Variants in NSD2 observed in about 807,000 individuals in gnomAD.
NSD2 encodes histone-lysine N-methyltransferase NSD2.
Under a neutral mutation model 139.0 loss-of-function variants are expected in NSD2, and 12 were observed. That is an observed-to-expected ratio of 0.09 (90% CI 0.06 to 0.14). The LOEUF is 0.14. Among genes scored for constraint, NSD2 ranks in the 10% least tolerant of loss-of-function variants. The probability of loss-of-function intolerance (pLI) is 1.00; values close to 1 mark genes in which losing one functional copy is unlikely to be tolerated. For missense variants in NSD2, 1,155 were observed against 1,745.0 expected, an observed-to-expected ratio of 0.66 and a Z score of 6.02; for synonymous variants, 669 against 648.7, an observed-to-expected ratio of 1.03 and a Z score of -0.48.
intron 9 of NSD2, 33 bp downstream of exon 9, chr4:1,939,811 T>G (rs1433808050): frequency 5.6e-6 from 9 of 1,613,974 alleles, no homozygotes; most frequent in Non-Finnish European, 7.6e-6. Context: ...AACCATGGCA[T>G]TGGTATGAAG....
At chr4:1,975,056 G>A (rs370770012) in intron 19 of NSD2, 52 bp downstream of exon 19, 3 of 1,611,900 alleles carry the variant, frequency 1.9e-6, no homozygotes, top group East Asian at 2.2e-5. Context: ...GGGCAGAGTG[G>A]CCATCGCTGA....
rs115213539 is a variant in NSD2, at chr4:1,972,851, C to T, written c.3373-2012C>T. Among the ~76,000 whole-genome samples the T allele has an allele frequency of 2.6e-3, 394 of 152,212 alleles. 1 individual carries two copies. Among genetic ancestry groups the T allele is most frequent in the African/African-American group, 9.1e-3 (377 of 41,542 alleles). On this transcript the variant is annotated intron_variant, in intron 18 of 21. Transcript: ENST00000508803. This position sits in a 1 kb window ranked among gnomAD's most constrained non-coding sequence, Gnocchi z 4.0. Reference sequence around the variant, plus strand: ...TGGGAAGCTATGGGAAAGTTTTTGACACATTTTTTTTTCTTTTTGGAGACG... The same window carrying T: ...TGGGAAGCTATGGGAAAGTTTTTGATACATTTTTTTTTCTTTTTGGAGACG...
At chr4:1,873,140 C>T (rs1395687137) in intron 1 of NSD2, among the ~76,000 whole-genome samples, 3 of 152,174 alleles carry the variant, frequency 2.0e-5, no homozygotes, top group Non-Finnish European at 4.4e-5. Flanking sequence ...CACCCAAACC[C>T]AGCAACCTTC....
At chr4:1,935,850 G>C (rs1267225414) in intron 7 of NSD2, among the ~76,000 whole-genome samples, 7 of 151,762 alleles carry the variant, frequency 4.6e-5, no homozygotes, top group African/African-American at 1.7e-4. Flanking sequence ...GACACAGCAA[G>C]ATTCTGTCTC....
chr4:1,890,817 C>T (rs191956605), intron 1 of NSD2, among the ~76,000 whole-genome samples: 8 of 151,752 alleles, frequency 5.3e-5, no homozygotes, highest in African/African-American at 1.9e-4. Context: ...AGGCTGGTCT[C>T]GAACTCCTGA....
At chr4:1,914,631 T>C (rs1719119648) in intron 3 of NSD2, among the ~76,000 whole-genome samples, 2 of 152,140 alleles carry the variant, frequency 1.3e-5, no homozygotes, top group African/African-American at 2.4e-5. Flanking sequence ...TGGCCCAGAG[T>C]ATGCTACTTT....
chr4:1,933,789 A>G (rs1329385764), intron 6 of NSD2, among the ~76,000 whole-genome samples: 1 of 152,202 alleles, frequency 6.6e-6, no homozygotes, highest in African/African-American at 2.4e-5. Context: ...TATTTAAAAT[A>G]AACATTGGCA....
intron 1 of NSD2, among the ~76,000 whole-genome samples, chr4:1,882,774 C>T (rs1406536083): frequency 2.0e-5 from 3 of 152,206 alleles, no homozygotes; most frequent in Non-Finnish European, 4.4e-5. Flanking sequence ...GTCTGGTCCC[C>T]AGACTGGCAG....
chr4:1,877,748 GC>G (rs1364799907), intron 1 of NSD2, among the ~76,000 whole-genome samples: 1 of 152,132 alleles, frequency 6.6e-6, no homozygotes, highest in Non-Finnish European at 1.5e-5. Context: ...TCCGACTAGT[GC>G]CCTTGTTCCT....
chr4:1,909,761 C>T (rs548985120), intron 3 of NSD2, among the ~76,000 whole-genome samples: 1 of 151,946 alleles, frequency 6.6e-6, no homozygotes, highest in East Asian at 1.9e-4. Context: ...CTGTCTCAGC[C>T]TCCCGAGTAG....
At chr4:1,962,288 G>C (rs745846601) in intron 18 of NSD2, among the ~76,000 whole-genome samples, 10 of 152,216 alleles carry the variant, frequency 6.6e-5, no homozygotes, top group Non-Finnish European at 1.2e-4. Flanking sequence ...GGTTAAAAGA[G>C]ACTAAAGAAG....
chr4:1,940,922 G>C, intron 9 of NSD2: 1 of 1,057,090 alleles, frequency 9.5e-7, no homozygotes, highest in Non-Finnish European at 1.1e-6. Context: ...CCTCCGAGTG[G>C]GATTTTCTGC....
intron 1 of NSD2, among the ~76,000 whole-genome samples, chr4:1,894,477 A>T (rs1715973274): frequency 6.6e-6 from 1 of 152,006 alleles, no homozygotes; most frequent in Non-Finnish European, 1.5e-5. Context: ...GTTTGAGACC[A>T]GCCTGGGCAA....
rs1195882701 is a variant in NSD2 at position 1,938,505 on chromosome 4, G to A, written c.1729G>A (p.Ala577Thr). ...AACAAGCTCTTACAAGGCCATGGAG[G>A]CAGCCTCCTCGCTCAAGAGCCAGGC... Reference protein sequence around the residue: ...ARTSSYKAMEAASSLKSQAAT... With the variant: ...ARTSSYKAMETASSLKSQAAT... The change falls in exon 8 of 22, where the codon GCA (alanine) becomes ACA (threonine). Residue 577 changes from alanine to threonine, a missense_variant. Physicochemically the swap from Ala to Thr is moderately conservative, Grantham distance 58. Around this residue, in one of 8 missense-constraint regions of NSD2, gnomAD observed 420 missense variants for 469.0 expected, o/e 0.90. Coordinates refer to ENST00000508803, the MANE Select transcript of NSD2 (RefSeq NM_001042424.3). 6.3e-7 allele frequency: 1 copy of A among 1,587,372 alleles called. No individual in the cohort carries two copies. Among genetic ancestry groups the A allele is most frequent in the Non-Finnish European group, 8.6e-7 (1 of 1,167,826 alleles).
At chr4:1,975,207 T>C in intron 19 of NSD2, 87 bp from the exon 20 acceptor site, 3 of 1,440,326 alleles carry the variant, frequency 2.1e-6, no homozygotes, top group Admixed American at 3.6e-5. Context: ...ATAATAAGAG[T>C]ATTTTTGTTG....
At chr4:1,959,824 G>T (rs1417150281) in intron 17 of NSD2, 84 bp downstream of exon 17, 2 of 1,543,316 alleles carry the variant, frequency 1.3e-6, no homozygotes, top group African/African-American at 1.4e-5. Context: ...TGGTGGTTTT[G>T]TAGTCATGTG....
At chr4:1,885,234 T>C (rs1267296928) in intron 1 of NSD2, among the ~76,000 whole-genome samples, 1 of 152,236 alleles carries the variant, frequency 6.6e-6, no homozygotes, top group Non-Finnish European at 1.5e-5. Context: ...ATTTTTTATA[T>C]ACCAGTATGT....
In NSD2 at chr4:1,976,279, T is replaced by C. The variant is rs1727072531; in HGVS notation, c.3622-196T>C. The stretch of plus-strand genomic sequence containing the variant: ...AAGCTCACTCTAGTCGTAGTCTTTG[T>C]TCAGCTTTTTCACGCTGAGTCGAGT... On this transcript the variant is annotated intron_variant, in intron 20 of 21. Coordinates refer to ENST00000508803, the MANE Select transcript of NSD2 (RefSeq NM_001042424.3). The surrounding 1 kb of genome is among the most constrained non-coding windows in gnomAD (Gnocchi z 5.3). 8.1e-6 allele frequency: 5 copies of C among 620,270 alleles called. No homozygotes were observed. Among genetic ancestry groups the C allele is most frequent in the Non-Finnish European group, 1.4e-5 (5 of 352,854 alleles). 38.4% of individuals were successfully genotyped at this position (620,270 alleles called of 1,614,324 possible).
At chr4:1,927,691 C>CCTGGGCCA (rs1276884988) in intron 5 of NSD2, among the ~76,000 whole-genome samples, 1 of 136,746 alleles carries the variant, frequency 7.3e-6, no homozygotes, top group Non-Finnish European at 1.5e-5. Context: ...TGCACTCCAG[C>CCTGGGCCA]CTGGGCCACA....
Sources: gnomAD v4.1 joint callset for allele counts (sites outside exome capture counted in the v4.1 genomes callset) on GRCh38, gnomAD v4.1.1 for gene constraint, gnomAD v4.1.1 regional missense constraint, Gnocchi (gnomAD v3.1) non-coding constraint, MANE v1.5 for transcripts, NCBI Gene and HGNC (gene_info 2026-07-23, HGNC 2026-07-21) for gene names.